Variants in ARHGEF18 observed in about 807,000 individuals in gnomAD.
The protein encoded by ARHGEF18 is rho guanine nucleotide exchange factor 18.
ARHGEF18 carries 93 observed loss-of-function variants against 155.7 expected under a neutral mutation model. The ratio of observed to expected loss-of-function variants is 0.60; its 90% CI spans 0.50 to 0.71. The LOEUF (loss-of-function observed/expected upper bound fraction) is 0.71, where lower values mean the gene tolerates loss of function less well. Ranked by LOEUF, ARHGEF18 falls within the 30% of genes least tolerant of loss-of-function variation. ARHGEF18 has a pLI of 0.00. For missense variants in ARHGEF18, 1,593 were observed against 1,816.1 expected (o/e 0.88, Z 2.23); for synonymous variants, 742 against 753.1 (o/e 0.99, Z 0.24).
At chr19:7,478,473 G>T in the ARHGEF18 span, 2 of 1,306,338 alleles carry the variant, frequency 1.5e-6, no homozygotes, top group South Asian at 1.3e-5. Context: ...GACAGGTGCT[G>T]CATCTCGGAT....
At chr19:7,467,000 C>T (rs1239263330) in intron 24 of ARHGEF18, 26 bp downstream of exon 24, 4 of 1,613,254 alleles carry the variant, frequency 2.5e-6, no homozygotes, top group Non-Finnish European at 2.5e-6. Flanking sequence ...TCTCCATCTC[C>T]CCAGGGCCTT....
chr19:7,382,792 G>A lies in ARHGEF18; in HGVS notation c.723G>A (p.Glu241=). ...GTGGACCTTCCCTCTCGTCCCTCAGGAGCGAGGACGGTGCTGGCAAGAACG... is the reference window on the plus strand; with the variant it reads ...GTGGACCTTCCCTCTCGTCCCTCAGAAGCGAGGACGGTGCTGGCAAGAACG... ...SNLTWFEFLS[E]SEDGAGKNEK... The change falls in exon 9 of 29, where the codon GAG becomes GAA. Residue 241 remains glutamate (E), a splice_region_variant and synonymous_variant. Coordinates refer to ENST00000668164, the MANE Select transcript of ARHGEF18 (RefSeq NM_001367823.1). 8.1e-7 allele frequency: 1 copy of A among 1,232,376 alleles called. No homozygotes were observed. Among genetic ancestry groups the A allele is most frequent in the Non-Finnish European group, 1.0e-6 (1 of 988,024 alleles). 76.3% of individuals were successfully genotyped at this position (1,232,376 alleles called of 1,614,324 possible).
In ARHGEF18 at chr19:7,462,572, G is replaced by A. The variant is rs376793648; in HGVS notation, c.2635+238G>A. On this transcript the variant is annotated intron_variant, in intron 21 of 28. Coordinates refer to ENST00000668164, the MANE Select transcript of ARHGEF18 (RefSeq NM_001367823.1). This position sits in a 1 kb window ranked among gnomAD's most constrained non-coding sequence, Gnocchi z 4.4. Reference sequence around the variant, plus strand: ...TGCAGACATAAAGCACTTTCTCCCCGTTCAACAACCGCTCTGATGCTCCCT... The same window carrying A: ...TGCAGACATAAAGCACTTTCTCCCCATTCAACAACCGCTCTGATGCTCCCT... Among the ~76,000 whole-genome samples, 8 of 151,922 alleles carry A rather than the reference G, an allele frequency of 5.3e-5. No individual in the cohort carries two copies. Among genetic ancestry groups the A allele is most frequent in the East Asian group, 1.9e-4 (1 of 5,190 alleles).
At chr19:7,398,887 G>A (rs1971875692) in intron 10 of ARHGEF18, among the ~76,000 whole-genome samples, 1 of 152,124 alleles carries the variant, frequency 6.6e-6, no homozygotes, top group Non-Finnish European at 1.5e-5. Flanking sequence ...TGCCCTTTGT[G>A]GGCCAGGGCC....
At chr19:7,378,215 T>C (rs1970553762) in intron 5 of ARHGEF18, among the ~76,000 whole-genome samples, 179 bp from the exon 6 acceptor site, 1 of 152,170 alleles carries the variant, frequency 6.6e-6, no homozygotes, top group Non-Finnish European at 1.5e-5. Flanking sequence ...TGGGGACACC[T>C]GCGTTTGTCC....
chr19:7,473,747 T>C (rs1386427101), downstream of ARHGEF18, among the ~76,000 whole-genome samples: 4 of 146,648 alleles, frequency 2.7e-5, no homozygotes, highest in South Asian at 2.2e-4. Context: ...GAGGCGGAGC[T>C]TGCGGTGAGC....
chr19:7,433,175 A>T (rs1438489176), intron 10 of ARHGEF18, among the ~76,000 whole-genome samples: 1 of 151,554 alleles, frequency 6.6e-6, no homozygotes, highest in Non-Finnish European at 1.5e-5. Flanking sequence ...TAAAAAAAAA[A>T]AAGAAGGCAG....
chr19:7,401,701 A>T (rs758226051), intron 10 of ARHGEF18, among the ~76,000 whole-genome samples: 4 of 152,188 alleles, frequency 2.6e-5, no homozygotes, highest in Non-Finnish European at 5.9e-5. Context: ...TTAAACCTTG[A>T]GTTAACCCAG....
intron 2 of ARHGEF18, among the ~76,000 whole-genome samples, chr19:7,363,876 G>A (rs990099189): frequency 1.3e-5 from 2 of 150,002 alleles, no homozygotes; most frequent in East Asian, 2.0e-4. Flanking sequence ...AGGAAGAAAG[G>A]AAGGAAGGGG....
intron 5 of ARHGEF18, among the ~76,000 whole-genome samples, chr19:7,377,505 C>G (rs7255594): frequency 0.36 from 54,674 of 151,998 alleles, 11,156 homozygotes; most frequent in African/African-American, 0.56. Context: ...TCTATTAGAA[C>G]AGGTGCAGCA....
At chr19:7,409,048 A>G (rs148926423) in intron 10 of ARHGEF18, among the ~76,000 whole-genome samples, 2,549 of 139,984 alleles carry the variant, frequency 0.018, 38 homozygotes, top group Middle Eastern at 0.045. Flanking sequence ...CAAGAGCAAG[A>G]CCCTGTTTCT....
chr19:7,384,065 G>A (rs1262893502), intron 10 of ARHGEF18, among the ~76,000 whole-genome samples: 1 of 152,166 alleles, frequency 6.6e-6, no homozygotes, highest in East Asian at 1.9e-4. Flanking sequence ...TGGCAACTGC[G>A]TGTTAGAAAA....
At chr19:7,442,779 G>A (rs907220326) in intron 13 of ARHGEF18, among the ~76,000 whole-genome samples, 2 of 152,180 alleles carry the variant, frequency 1.3e-5, no homozygotes, top group Non-Finnish European at 2.9e-5. Flanking sequence ...AGGCTGGGAC[G>A]TCTAAGACCA....
intron 10 of ARHGEF18, among the ~76,000 whole-genome samples, chr19:7,408,437 CCA>C (rs113344071): frequency 0.027 from 4,081 of 152,282 alleles, 174 homozygotes; most frequent in African/African-American, 0.092. Flanking sequence ...GGTGGCCAGC[CCA>C]CAGACAGTAG....
At chr19:7,478,456 A>G in the ARHGEF18 span, 1 of 1,405,938 alleles carries the variant, frequency 7.1e-7, no homozygotes, top group South Asian at 1.2e-5. Flanking sequence ...CCGGACATAC[A>G]GTCTGGGACA....
chr19:7,392,114 G>A (rs966413655), intron 10 of ARHGEF18, among the ~76,000 whole-genome samples: 5 of 151,400 alleles, frequency 3.3e-5, no homozygotes, highest in African/African-American at 9.7e-5. Context: ...AGTGGCGGGT[G>A]CCTGCAATCC....
downstream of ARHGEF18, chr19:7,477,251 A>G: frequency 6.3e-7 from 1 of 1,577,648 alleles, no homozygotes; most frequent in Admixed American, 1.9e-5. Flanking sequence ...CGCCTGGTAC[A>G]TGCTGAGGAT....
intron 6 of ARHGEF18, among the ~76,000 whole-genome samples, chr19:7,378,684 C>CTTTTTTTTTTT (rs548305968): frequency 1.1e-5 from 1 of 88,134 alleles, no homozygotes. Flanking sequence ...ACAATTGTGG[C>CTTTTTTTTTTT]TTTTTTTTTT....
chr19:7,445,623 T>C (rs1401565874), intron 14 of ARHGEF18, among the ~76,000 whole-genome samples: 4 of 152,100 alleles, frequency 2.6e-5, no homozygotes, highest in African/African-American at 9.7e-5. Context: ...TTTTGCTTTT[T>C]ATGTTTCTTT....
Sources: allele counts gnomAD v4.1 joint callset (sites outside exome capture counted in the v4.1 genomes callset), GRCh38; gene constraint gnomAD v4.1.1; non-coding constraint Gnocchi (gnomAD v3.1); transcripts MANE v1.5; gene names NCBI Gene and HGNC (gene_info 2026-07-23, HGNC 2026-07-21).